The following CLN5 variants were observed in gnomAD, a reference collection of about 807,000 sequenced individuals.
CLN5 encodes the protein CLN5 lysosomal BMP synthase, also known as bis(monoacylglycero)phosphate synthase CLN5.
In CLN5, 34 loss-of-function variants were observed where a neutral mutation model predicts 36.7. The ratio of observed to expected loss-of-function variants is 0.93; its 90% CI spans 0.71 to 1.23. The LOEUF (loss-of-function observed/expected upper bound fraction) is 1.23, where lower values mean the gene tolerates loss of function less well. CLN5 is among the 50% of genes most tolerant of loss of function. CLN5 has a pLI of 0.00. For synonymous variants in CLN5, 151 were observed against 155.1 expected, an observed-to-expected ratio of 0.97 and a Z score of 0.20; for missense variants, 427 against 439.4, an observed-to-expected ratio of 0.97 and a Z score of 0.25.
In CLN5 at chr13:76,995,228, G is replaced by A. The variant is rs147214555; in HGVS notation, c.339G>A (p.Leu113=). The A allele has an allele frequency of 6.2e-7, 1 of 1,613,822 alleles. No individual in the cohort carries two copies. Among genetic ancestry groups the A allele is most frequent in the East Asian group, 2.2e-5 (1 of 44,868 alleles). The change falls in exon 2 of 4, where the codon TTG becomes TTA. Residue 113 remains leucine (L), a splice_region_variant and synonymous_variant. Coordinates refer to ENST00000377453, the MANE Select transcript of CLN5 (RefSeq NM_006493.4). ...AATATGGAGACCTCCTGGGACACTT[G>A]GTAAGGATGCATCTTGGTCTTATAA... ...EFKYGDLLGH[L]KIMHDAIGFR...
chr13:76,995,274 T>C (rs996238256), intron 2 of CLN5, 46 bp downstream of exon 2: 2 of 1,565,534 alleles, frequency 1.3e-6, no homozygotes. Flanking sequence ...TTCAATGATT[T>C]GGTTATTAAG....
intron 3 of CLN5, chr13:76,998,407 A>T (rs1433861958): frequency 6.6e-6 from 1 of 152,196 alleles, no homozygotes; most frequent in Non-Finnish European, 1.5e-5. Flanking sequence ...ACAATATACC[A>T]TAGCATTTGA....
At position 76,996,109 on chromosome 13, in the gene CLN5, C is replaced by T. The variant is rs869312751; in HGVS notation, c.547C>T (p.Gln183Ter). The T allele has an allele frequency of 6.2e-7, 1 of 1,613,436 alleles. No homozygotes were observed. Among genetic ancestry groups the T allele is most frequent in the Non-Finnish European group, 8.5e-7 (1 of 1,179,464 alleles). Residue 183 changes from glutamine (Q) to a stop codon, truncating the protein, a stop_gained, in exon 3 of 4, where the codon CAA becomes TAA. Coordinates refer to ENST00000377453, the MANE Select transcript of CLN5 (RefSeq NM_006493.4). LOFTEE classifies it high-confidence loss of function. ...VHWKENGTLV[Q>*]VATISGNMFN... ...CTGGAAGGAAAATGGGACATTAGTT[C>T]AAGTAGCAACTATATCAGGTAAGTT...
In CLN5 at chr13:77,003,850, G is replaced by A. The variant is rs1479747199; in HGVS notation, c.*2881G>A. On this transcript the variant is annotated 3_prime_UTR_variant, in exon 4 of 4. Coordinates refer to ENST00000377453, the MANE Select transcript of CLN5 (RefSeq NM_006493.4). ...TAGTCCCAGCTACTTGGGAGGCTGA[G>A]GCAGGAGAATCACTTGAATCCAGGA... 1.3e-5 allele frequency: 2 copies of A among 152,238 alleles called. No homozygotes were observed. Among genetic ancestry groups the A allele is most frequent in the East Asian group, 3.9e-4 (2 of 5,190 alleles). The allele number at this position is 152,238 out of a possible 1,614,324, so 9.4% of individuals were successfully genotyped here.
Position 77,003,153 on chromosome 13 carries a change from A to G in CLN5, c.*2184A>G, listed in dbSNP as rs1460034639. On this transcript the variant is annotated 3_prime_UTR_variant, in exon 4 of 4. Coordinates refer to ENST00000377453, the MANE Select transcript of CLN5 (RefSeq NM_006493.4). ...AACCCCGTTTCTCCTAAAATTAAAAAAAAAAAAAAAAAGCTAGGGGTGGTG... is the reference window on the plus strand; with the variant it reads ...AACCCCGTTTCTCCTAAAATTAAAAGAAAAAAAAAAAAGCTAGGGGTGGTG... The G allele has an allele frequency of 1.3e-5, 2 of 151,962 alleles. No individual in the cohort carries two copies. The highest frequency in any genetic ancestry group is 2.9e-5 in the Non-Finnish European group (2 of 67,984). The allele number at this position is 151,962 out of a possible 1,614,324, so 9.4% of individuals were successfully genotyped here.
rs1433804446 is a variant in CLN5 at position 77,001,275 on chromosome 13, G to C, written c.*306G>C. 5.1e-6 allele frequency: 1 copy of C among 197,498 alleles called. No individual in the cohort carries two copies. The highest frequency in any genetic ancestry group is 1.4e-4 in the East Asian group (1 of 7,182). The allele number at this position is 197,498 out of a possible 1,614,324, so 12.2% of individuals were successfully genotyped here. A position where few individuals can be genotyped will look rare whatever the true frequency, so the allele number is the denominator to read the frequency against. On this transcript the variant is annotated 3_prime_UTR_variant, in exon 4 of 4. Coordinates refer to ENST00000377453, the MANE Select transcript of CLN5 (RefSeq NM_006493.4). ...CTTTGGACCCAGGGTCCTACAGATA[G>C]ATATGGTGTGCCCAGATTTTAAAAA...
intron 3 of CLN5, chr13:76,998,709 G>GAATAAAATGTAGCAGA (rs2034310015): frequency 6.6e-6 from 1 of 152,238 alleles, no homozygotes; most frequent in African/African-American, 2.4e-5. Context: ...CAAAGAGCTG[G>GAATAAAATGTAGCAGA]ATGTAGCAGA....
chr13:76,997,232 C>T (rs1394985741), intron 3 of CLN5: 1 of 152,092 alleles, frequency 6.6e-6, no homozygotes, highest in Non-Finnish European at 1.5e-5. Flanking sequence ...CTGCAACCTC[C>T]ACCTCTTGGG....
At chr13:76,996,366 A>T (rs1385326899) in intron 3 of CLN5, 1 of 484,296 alleles carries the variant, frequency 2.1e-6, no homozygotes, top group East Asian at 4.0e-5. Context: ...TAAGTTCTTT[A>T]GTGGTGATTT....
rs145840438 is a variant in CLN5 at position 77,001,873 on chromosome 13, CTTCA to C, written c.*907_*910del. ...TGGGTAAACAGGCACCTTCTGACTT[CTTCA>C]TTGTTTCCTGTAGTTCTCCCTCTTC... is the stretch of plus-strand genomic sequence containing the variant. On this transcript the variant is annotated 3_prime_UTR_variant, in exon 4 of 4. Transcript: ENST00000377453. 30 of 152,332 alleles carry C rather than the reference CTTCA, an allele frequency of 2.0e-4. No homozygotes were observed. The East Asian group carries it at 5.8e-3, about 29-fold the overall frequency. 9.4% of individuals were successfully genotyped at this position (152,332 alleles called of 1,614,324 possible).
chr13:77,004,167 A>G lies in CLN5; in HGVS notation c.*3198A>G, dbSNP rs1477365851. ...GTGGCTCCTTAAAAATTGGAGAAAA[A>G]AATCAAGTCTTAGGAAGTCTTATCC... On this transcript the variant is annotated 3_prime_UTR_variant, in exon 4 of 4. Coordinates refer to ENST00000377453, the MANE Select transcript of CLN5 (RefSeq NM_006493.4). 3 of 152,276 alleles carry G rather than the reference A, an allele frequency of 2.0e-5. No homozygotes were observed. The East Asian group carries it at 5.8e-4, about 29-fold the overall frequency. 9.4% of individuals were successfully genotyped at this position (152,276 alleles called of 1,614,324 possible).
rs2034386616 is a variant in CLN5 at position 77,002,877 on chromosome 13, A to C, written c.*1908A>C. 2 of 152,220 alleles carry C rather than the reference A, an allele frequency of 1.3e-5. No individual in the cohort carries two copies. Among genetic ancestry groups the C allele is most frequent in the Admixed American group, 1.3e-4 (2 of 15,288 alleles). The allele number at this position is 152,220 out of a possible 1,614,324, so 9.4% of individuals were successfully genotyped here. A position where few individuals can be genotyped will look rare whatever the true frequency, so the allele number is the denominator to read the frequency against. The stretch of plus-strand genomic sequence containing the variant: ...TTTTGGATTTCCAGAACTGCCTTGA[A>C]GAGACAAAGATTCTTGTACCAAGTT... On this transcript the variant is annotated 3_prime_UTR_variant, in exon 4 of 4. Coordinates refer to ENST00000377453, the MANE Select transcript of CLN5 (RefSeq NM_006493.4).
Position 77,002,087 on chromosome 13 carries a change from A to G in CLN5, c.*1118A>G, listed in dbSNP as rs2034373304. 6.6e-6 allele frequency: 1 copy of G among 152,232 alleles called. No homozygotes were observed. The highest frequency in any genetic ancestry group is 6.5e-5 in the Admixed American group (1 of 15,284). 9.4% of individuals were successfully genotyped at this position (152,232 alleles called of 1,614,324 possible). A position where few individuals can be genotyped will look rare whatever the true frequency, so the allele number is the denominator to read the frequency against. Reference sequence around the variant, plus strand: ...AAAACACCATTCAGTAAGAAGATGGAGTAGATATCAGATAAAACAATTCAC... The same window carrying G: ...AAAACACCATTCAGTAAGAAGATGGGGTAGATATCAGATAAAACAATTCAC... On this transcript the variant is annotated 3_prime_UTR_variant, in exon 4 of 4. Transcript: ENST00000377453.
chr13:76,995,841 A>G (rs1259186180), intron 2 of CLN5, 61 bp from the exon 3 acceptor site: 1 of 1,253,668 alleles, frequency 8.0e-7, no homozygotes, highest in African/African-American at 1.5e-5. Flanking sequence ...TTCTCCTATC[A>G]GGTTACCTGG....
chr13:77,000,954 ACT>A lies in CLN5; in HGVS notation c.1067_1068del (p.Ser356TrpfsTer124), dbSNP rs796052345. 3.1e-6 allele frequency: 5 copies of A among 1,605,580 alleles called. No homozygotes were observed. Among genetic ancestry groups the A allele is most frequent in the Admixed American group, 1.7e-5 (1 of 59,670 alleles). On this transcript the variant is annotated frameshift_variant, in exon 4 of 4. Transcript: ENST00000377453. LOFTEE classifies it high-confidence loss of function. ...TCCCTTTACCTATCAGAAACAAAACACTCTCTGGTTTATAAAACACCTTAATT... is the reference window on the plus strand; with the variant it reads ...TCCCTTTACCTATCAGAAACAAAACACTCTGGTTTATAAAACACCTTAATT... ...EIPLPIRNKT[L>X]SGL
rs2034350473 is a variant in CLN5, at chr13:77,000,902, CT to C, written c.1014del (p.Phe338LeufsTer4). Reference protein sequence around the residue: ...FEYWFLPMKFPFIKITYEEIP... With the variant: ...FEYWFLPMKFXFIKITYEEIP... ...TATTGGTTTTTACCTATGAAATTCC[CT>C]TTTATTAAAATAACATATGAAGAAA... On this transcript the variant is annotated frameshift_variant, in exon 4 of 4. Coordinates refer to ENST00000377453, the MANE Select transcript of CLN5 (RefSeq NM_006493.4). LOFTEE classifies it high-confidence loss of function. 6.3e-7 allele frequency: 1 copy of C among 1,593,516 alleles called. No homozygotes were observed. Among genetic ancestry groups the C allele is most frequent in the Non-Finnish European group, 8.5e-7 (1 of 1,172,110 alleles).
rs1566218754 is a variant in CLN5 at position 76,995,240 on chromosome 13, T to A, written c.339+12T>A. The A allele has an allele frequency of 6.2e-7, 1 of 1,613,156 alleles. No homozygotes were observed. The highest frequency in any genetic ancestry group is 8.5e-7 in the Non-Finnish European group (1 of 1,179,188). The stretch of plus-strand genomic sequence containing the variant: ...TCCTGGGACACTTGGTAAGGATGCA[T>A]CTTGGTCTTATAACTTTGGTTAATT... On this transcript the variant is annotated intron_variant, in intron 2 of 3. Coordinates refer to ENST00000377453, the MANE Select transcript of CLN5 (RefSeq NM_006493.4).
rs116030678 is a variant in CLN5, at chr13:76,994,630, G to A, written c.174-433G>A. The A allele has an allele frequency of 4.2e-3, 713 of 169,980 alleles. 3 individuals are homozygous for A. Among genetic ancestry groups the A allele is most frequent in the African/African-American group, 0.013 (538 of 41,650 alleles). 10.5% of individuals were successfully genotyped at this position (169,980 alleles called of 1,614,324 possible). A position where few individuals can be genotyped will look rare whatever the true frequency, so the allele number is the denominator to read the frequency against. On this transcript the variant is annotated intron_variant, in intron 1 of 3. Transcript: ENST00000377453. ...AGTGGAGCCTCAATAAATATTGGTT[G>A]AATGAATGTTAATTCGTAAGTAAAT... is the stretch of plus-strand genomic sequence containing the variant.
Position 77,000,960 on chromosome 13 carries a change from T to C in CLN5, c.1068T>C (p.Ser356=). The C allele has an allele frequency of 6.2e-7, 1 of 1,604,706 alleles. No individual in the cohort carries two copies. The highest frequency in any genetic ancestry group is 8.5e-7 in the Non-Finnish European group (1 of 1,176,348). ...IPLPIRNKTL[S]GL The stretch of plus-strand genomic sequence containing the variant: ...TACCTATCAGAAACAAAACACTCTC[T>C]GGTTTATAAAACACCTTAATTCTAC... Residue 356 remains serine (S), a synonymous_variant, in exon 4 of 4, where the codon TCT becomes TCC. Coordinates refer to ENST00000377453, the MANE Select transcript of CLN5 (RefSeq NM_006493.4).
Sources: allele counts gnomAD v4.1 joint callset, GRCh38; gene constraint gnomAD v4.1.1; transcripts MANE v1.5; gene names NCBI Gene and HGNC (gene_info 2026-07-23, HGNC 2026-07-21).